SLC25A21: variants seen among roughly 807,000 people sequenced by gnomAD.
SLC25A21 encodes solute carrier family 25 member 21.
Under a neutral mutation model 43.8 loss-of-function variants are expected in SLC25A21, and 47 were observed. That is an observed-to-expected ratio of 1.07 (90% CI 0.85 to 1.37). The LOEUF is 1.37. Among genes scored for constraint, SLC25A21 ranks in the 40% most tolerant of loss-of-function variants. SLC25A21 has a pLI of 0.00. For missense variants in SLC25A21, 352 were observed against 350.2 expected (o/e 1.00, Z -0.04); for synonymous variants, 131 against 121.3 (o/e 1.08, Z -0.52).
intron 1 of SLC25A21, among the ~76,000 whole-genome samples, chr14:37,100,049 TG>T (rs2138863146): frequency 1.3e-5 from 2 of 151,646 alleles, no homozygotes; most frequent in Admixed American, 6.6e-5. Context: ...TTTGTTTGTT[TG>T]TTTGTTTGTT....
chr14:36,751,479 G>C (rs569879292), intron 3 of SLC25A21, among the ~76,000 whole-genome samples: 17 of 152,288 alleles, frequency 1.1e-4, no homozygotes, highest in South Asian at 6.2e-4. Flanking sequence ...TCCAGATTTA[G>C]CTTCTAAATT....
intron 7 of SLC25A21, among the ~76,000 whole-genome samples, chr14:36,690,510 T>C (rs1882751704): frequency 2.0e-5 from 3 of 152,220 alleles, no homozygotes; most frequent in African/African-American, 7.2e-5. Context: ...AACCATTATG[T>C]CATATTGCTT....
At position 36,767,798 on chromosome 14, in the gene SLC25A21, T is replaced by C. The variant is rs181917238; in HGVS notation, c.204-33225A>G. Among the ~76,000 whole-genome samples the C allele has an allele frequency of 2.0e-3, 298 of 152,292 alleles. 2 individuals are homozygous for C. The highest frequency in any genetic ancestry group is 6.9e-3 in the African/African-American group (288 of 41,562). ...CTGACACATGACACCCAAACGGATT[T>C]CTAGCCCAGCAATTCAGGCCCGTTG... On this transcript the variant is annotated intron_variant, in intron 3 of 9. Coordinates refer to ENST00000331299, the MANE Select transcript of SLC25A21 (RefSeq NM_030631.4).
At chr14:36,878,343 T>A (rs1269869075) in intron 1 of SLC25A21, among the ~76,000 whole-genome samples, 1 of 152,194 alleles carries the variant, frequency 6.6e-6, no homozygotes, top group East Asian at 1.9e-4. Context: ...TCAAAACAAG[T>A]AATTTGTAGA....
At chr14:36,864,426 A>G (rs1890155200) in intron 2 of SLC25A21, among the ~76,000 whole-genome samples, 1 of 152,242 alleles carries the variant, frequency 6.6e-6, no homozygotes, top group Non-Finnish European at 1.5e-5. Flanking sequence ...TTATTAAACA[A>G]AATCTTTACT....
intron 1 of SLC25A21, among the ~76,000 whole-genome samples, chr14:37,044,856 G>T (rs1276226540): frequency 6.6e-6 from 1 of 152,102 alleles, no homozygotes; most frequent in Non-Finnish European, 1.5e-5. Context: ...GAAGATTAAG[G>T]TATTAAATTG....
At chr14:36,774,775 A>C (rs912369530) in intron 3 of SLC25A21, among the ~76,000 whole-genome samples, 4 of 152,272 alleles carry the variant, frequency 2.6e-5, no homozygotes, top group African/African-American at 4.8e-5. Context: ...TATGTTGCTC[A>C]GGCTGTAGAG....
intron 3 of SLC25A21, among the ~76,000 whole-genome samples, chr14:36,783,024 G>T (rs1298271074): frequency 1.3e-5 from 2 of 148,574 alleles, no homozygotes; most frequent in Non-Finnish European, 3.0e-5. Flanking sequence ...AAAAAAAAAA[G>T]ATTGCATGCC....
chr14:36,690,793 G>A (rs991713954), intron 7 of SLC25A21, among the ~76,000 whole-genome samples: 6 of 152,162 alleles, frequency 3.9e-5, no homozygotes, highest in African/African-American at 1.4e-4. Context: ...TCTAGCTTCT[G>A]CCTCTTAAAG....
At chr14:36,695,548 G>A (rs1477606587) in intron 7 of SLC25A21, among the ~76,000 whole-genome samples, 2 of 152,198 alleles carry the variant, frequency 1.3e-5, no homozygotes, top group African/African-American at 4.8e-5. Context: ...CATGAGCATG[G>A]AATATGCTTC....
chr14:36,895,161 A>G (rs1227021576), intron 1 of SLC25A21, among the ~76,000 whole-genome samples: 2 of 152,228 alleles, frequency 1.3e-5, no homozygotes, highest in Non-Finnish European at 2.9e-5. Context: ...CTGTGAAGCC[A>G]TCTGGTCCTG....
At chr14:36,686,698 G>A (rs1369990407) in intron 7 of SLC25A21, among the ~76,000 whole-genome samples, 1 of 152,136 alleles carries the variant, frequency 6.6e-6, no homozygotes, top group Non-Finnish European at 1.5e-5. Context: ...TGAAATCCCC[G>A]TGACATTGCC....
chr14:37,002,421 T>A (rs1485553360), intron 1 of SLC25A21, among the ~76,000 whole-genome samples: 3 of 152,176 alleles, frequency 2.0e-5, no homozygotes, highest in Admixed American at 6.6e-5. Context: ...CTACTAACCC[T>A]ACCAGCTTTA....
At chr14:36,904,267 G>T (rs185907953) in intron 1 of SLC25A21, among the ~76,000 whole-genome samples, 4 of 152,124 alleles carry the variant, frequency 2.6e-5, no homozygotes, top group African/African-American at 7.2e-5. Flanking sequence ...CATATCATTC[G>T]GGAGAATCTG....
intron 9 of SLC25A21, 53 bp downstream of exon 9, chr14:36,683,775 G>A: frequency 2.3e-6 from 3 of 1,287,822 alleles, no homozygotes; most frequent in Non-Finnish European, 3.3e-6. Flanking sequence ...ATCAAAAAAA[G>A]AGACGCTAGA....
intron 1 of SLC25A21, among the ~76,000 whole-genome samples, chr14:36,963,392 G>A (rs1475276417): frequency 6.6e-6 from 1 of 152,148 alleles, no homozygotes; most frequent in Non-Finnish European, 1.5e-5. Context: ...AGGTATTTAT[G>A]GCTGACAGAG....
chr14:37,110,412 T>C (rs781606091), intron 1 of SLC25A21, among the ~76,000 whole-genome samples: 7 of 152,170 alleles, frequency 4.6e-5, no homozygotes, highest in Non-Finnish European at 1.0e-4. Context: ...GAGTACTAAG[T>C]ACATCCACTT....
chr14:36,798,587 T>C (rs1199145740), intron 3 of SLC25A21, among the ~76,000 whole-genome samples: 1 of 150,846 alleles, frequency 6.6e-6, no homozygotes, highest in Non-Finnish European at 1.5e-5. Context: ...GTATGCTGCC[T>C]AACAGAGGAC....
intron 2 of SLC25A21, among the ~76,000 whole-genome samples, chr14:36,815,717 T>C (rs1264644808): frequency 6.6e-6 from 1 of 152,180 alleles, no homozygotes; most frequent in Non-Finnish European, 1.5e-5. Flanking sequence ...CTCTGGAGTT[T>C]GTTTCTAAAG....
Sources: allele counts gnomAD v4.1 joint callset (sites outside exome capture counted in the v4.1 genomes callset), GRCh38; gene constraint gnomAD v4.1.1; transcripts MANE v1.5; gene names NCBI Gene and HGNC (gene_info 2026-07-23, HGNC 2026-07-21).